Variants in IQSEC1 observed in about 807,000 individuals in gnomAD.
IQSEC1 encodes IQ motif and Sec7 domain ArfGEF 1, also known as IQ motif and SEC7 domain-containing protein 1.
IQSEC1 carries 31 observed loss-of-function variants against 91.0 expected under a neutral mutation model. That is an observed-to-expected ratio of 0.34 (90% CI 0.26 to 0.46). The LOEUF (loss-of-function observed/expected upper bound fraction) is 0.46. Ranked by LOEUF, IQSEC1 falls within the 20% of genes least tolerant of loss-of-function variation. The probability of loss-of-function intolerance (pLI) is 1.00; values close to 1 mark genes in which losing one functional copy is unlikely to be tolerated. For synonymous variants in IQSEC1, 699 were observed against 662.6 expected (o/e 1.05, Z -0.84); for missense variants, 1,388 against 1,575.6 (o/e 0.88, Z 2.02).
chr3:13,235,822 G>A (rs1428444396), intron 1 of IQSEC1, among the ~76,000 whole-genome samples: 1 of 152,190 alleles, frequency 6.6e-6, no homozygotes, highest in African/African-American at 2.4e-5. Flanking sequence ...ACCAATGCAT[G>A]TCCTTGCTAC....
intron 6 of IQSEC1, 117 bp downstream of exon 6, chr3:12,920,313 G>A: frequency 9.9e-7 from 1 of 1,011,330 alleles, no homozygotes; most frequent in East Asian, 2.4e-5. Context: ...ACCCTGGAGT[G>A]CCGGAGCACA....
intron 2 of IQSEC1, among the ~76,000 whole-genome samples, chr3:13,156,169 T>C (rs1009139331): frequency 2.0e-5 from 3 of 151,770 alleles, no homozygotes; most frequent in Non-Finnish European, 2.9e-5. Flanking sequence ...GAGGCAGAGG[T>C]TGCAGTGAGC....
At chr3:13,083,269 G>A (rs970731047) in intron 2 of IQSEC1, among the ~76,000 whole-genome samples, 2 of 152,204 alleles carry the variant, frequency 1.3e-5, no homozygotes, top group Admixed American at 1.3e-4. Context: ...GCAGATGGGG[G>A]CTGAGAGAAG....
chr3:12,975,374 A>ACTCTCT (rs1701117198), intron 1 of IQSEC1, among the ~76,000 whole-genome samples: 1 of 150,994 alleles, frequency 6.6e-6, no homozygotes, highest in South Asian at 2.1e-4. Flanking sequence ...TCCTTTCCCA[A>ACTCTCT]CTCTCTGCCT....
At chr3:12,906,988 C>T (rs1285147668) in intron 12 of IQSEC1, among the ~76,000 whole-genome samples, 2 of 152,192 alleles carry the variant, frequency 1.3e-5, no homozygotes, top group East Asian at 3.9e-4. Flanking sequence ...CCAGGGGATA[C>T]CTGGCAATTT....
intron 1 of IQSEC1, among the ~76,000 whole-genome samples, chr3:13,236,651 G>A (rs573549484): frequency 6.6e-6 from 1 of 152,326 alleles, no homozygotes; most frequent in South Asian, 2.1e-4. Context: ...CCCTGCAGAG[G>A]TGGAGATAGC....
chr3:12,957,390 C>T (rs918625789), intron 1 of IQSEC1, among the ~76,000 whole-genome samples: 1 of 152,218 alleles, frequency 6.6e-6, no homozygotes, highest in Non-Finnish European at 1.5e-5. Flanking sequence ...AAGCTTCCAA[C>T]CCCTGGGCTC....
At position 13,211,760 on chromosome 3, in the gene IQSEC1, T is replaced by A. The variant is rs946894384; in HGVS notation, c.273-47627A>T. On this transcript the variant is annotated intron_variant, in intron 1 of 15. Transcript: ENST00000648114. The surrounding 1 kb of genome is among the most constrained non-coding windows in gnomAD (Gnocchi z 5.3). ...CTTTGCCCTGGAACTTCCCTCTTCC[T>A]GGAAGGCCCTCTCTCCCTGCCCCCA... Among the ~76,000 whole-genome samples, 1 of 152,142 alleles carries A rather than the reference T, an allele frequency of 6.6e-6. No homozygotes were observed. The highest frequency in any genetic ancestry group is 2.4e-5 in the African/African-American group (1 of 41,430).
At chr3:13,273,976 C>G (rs1157628397) in intron 1 of IQSEC1, among the ~76,000 whole-genome samples, 1 of 152,224 alleles carries the variant, frequency 6.6e-6, no homozygotes, top group Non-Finnish European at 1.5e-5. Flanking sequence ...AGAGGGAGAT[C>G]CAGTTGTCAC....
intron 1 of IQSEC1, among the ~76,000 whole-genome samples, chr3:13,210,409 G>T (rs1301531548): frequency 6.6e-6 from 1 of 152,072 alleles, no homozygotes; most frequent in Non-Finnish European, 1.5e-5. Context: ...ACCTCCCTGG[G>T]CTGCCCAGGG....
intron 1 of IQSEC1, among the ~76,000 whole-genome samples, chr3:13,247,717 T>C (rs1284033219): frequency 6.6e-6 from 1 of 152,184 alleles, no homozygotes; most frequent in African/African-American, 2.4e-5. Context: ...GTGAGTTTCA[T>C]GGTCTCCATC....
chr3:12,939,084 C>T (rs745577193), intron 2 of IQSEC1, among the ~76,000 whole-genome samples: 8 of 152,210 alleles, frequency 5.3e-5, no homozygotes, highest in African/African-American at 1.7e-4. Context: ...GACCCCCATA[C>T]CCTCATGCCA....
chr3:12,980,620 T>A (rs1701403838), intron 1 of IQSEC1, among the ~76,000 whole-genome samples: 1 of 152,214 alleles, frequency 6.6e-6, no homozygotes, highest in African/African-American at 2.4e-5. Flanking sequence ...TGGTTAAGGA[T>A]AATTCCACAT....
Position 12,909,317 on chromosome 3 carries a change from T to TC in IQSEC1, c.2533dup (p.Glu845GlyfsTer34). 6.2e-7 allele frequency: 1 copy of TC among 1,614,188 alleles called. No individual in the cohort carries two copies. Among genetic ancestry groups the TC allele is most frequent in the Non-Finnish European group, 8.5e-7 (1 of 1,180,020 alleles). ...CATCTCTTGGACTTCCGCAATGGACTCCCGCAGGTCATCGGTGAATTTCTT... is the reference window on the plus strand; with the variant it reads ...CATCTCTTGGACTTCCGCAATGGACTCCCCGCAGGTCATCGGTGAATTTCTT... On this transcript the variant is annotated frameshift_variant, in exon 11 of 14. Transcript: ENST00000613206. LOFTEE classifies it high-confidence loss of function. The surrounding 1 kb of genome is among the most constrained non-coding windows in gnomAD (Gnocchi z 4.9).
intron 1 of IQSEC1, among the ~76,000 whole-genome samples, chr3:13,236,070 G>T (rs1694923417): frequency 6.6e-6 from 1 of 152,118 alleles, no homozygotes; most frequent in Admixed American, 6.5e-5. Flanking sequence ...ATGTATGAAT[G>T]CCGGGCCCTG....
At position 12,924,777 on chromosome 3, in the gene IQSEC1, T is replaced by A; in HGVS notation, c.1569-35A>T. ...GACGAGAGGCACACTCAGTCCCAGCTGCCCGGCCACCAGCCAGGCACCTGG... is the reference window on the plus strand; with the variant it reads ...GACGAGAGGCACACTCAGTCCCAGCAGCCCGGCCACCAGCCAGGCACCTGG... On this transcript the variant is annotated intron_variant, in intron 3 of 13. Transcript: ENST00000613206. This position sits in a 1 kb window ranked among gnomAD's most constrained non-coding sequence, Gnocchi z 6.3. The A allele has an allele frequency of 6.6e-7, 1 of 1,513,200 alleles. No individual in the cohort carries two copies. Among genetic ancestry groups the A allele is most frequent in the Non-Finnish European group, 8.9e-7 (1 of 1,125,958 alleles). The allele number at this position is 1,513,200 out of a possible 1,614,324, so 93.7% of individuals were successfully genotyped here. A position where few individuals can be genotyped will look rare whatever the true frequency, so the allele number is the denominator to read the frequency against.
At chr3:13,079,086 C>T (rs903836227) in intron 2 of IQSEC1, among the ~76,000 whole-genome samples, 9 of 152,256 alleles carry the variant, frequency 5.9e-5, no homozygotes, top group Non-Finnish European at 1.2e-4. Context: ...AACCTGGCAA[C>T]TCCTGCACTG....
intron 1 of IQSEC1, among the ~76,000 whole-genome samples, chr3:13,237,468 A>G (rs1694951594): frequency 6.6e-6 from 1 of 152,194 alleles, no homozygotes; most frequent in African/African-American, 2.4e-5. Context: ...CCTGCCAGTA[A>G]GCACACCTGG....
chr3:13,175,028 A>G (rs1246567472), intron 1 of IQSEC1, among the ~76,000 whole-genome samples: 11 of 152,076 alleles, frequency 7.2e-5, no homozygotes, highest in Admixed American at 2.0e-4. Context: ...TCACCTTCTC[A>G]GCAAGGTCAT....
Sources: gnomAD v4.1 joint callset for allele counts (sites outside exome capture counted in the v4.1 genomes callset) on GRCh38, gnomAD v4.1.1 for gene constraint, Gnocchi (gnomAD v3.1) non-coding constraint, MANE v1.5 for transcripts, NCBI Gene and HGNC (gene_info 2026-07-23, HGNC 2026-07-21) for gene names.